Variants in ABCA12 observed in about 807,000 individuals in gnomAD.
ABCA12 encodes glucosylceramide transporter ABCA12.
In ABCA12, 156 loss-of-function variants were observed where a neutral mutation model predicts 293.5. The observed-to-expected ratio is 0.53, with a 90% CI of 0.47 to 0.61. ABCA12 has a LOEUF of 0.61. Among genes scored for constraint, ABCA12 ranks in the 20% least tolerant of loss-of-function variants. The pLI is 0.00. For synonymous variants in ABCA12, 1,063 were observed against 1,108.0 expected, an observed-to-expected ratio of 0.96 and a Z score of 0.81; for missense variants, 2,797 against 3,090.2, an observed-to-expected ratio of 0.91 and a Z score of 2.25.
intron 24 of ABCA12, among the ~76,000 whole-genome samples, chr2:214,989,849 A>C (rs1053238083): frequency 6.6e-6 from 1 of 152,342 alleles, no homozygotes; most frequent in Non-Finnish European, 1.5e-5. Context: ...CTTGAAAACC[A>C]TTCCTTAAAA....
At chr2:215,062,660 A>G (rs1012989288) in intron 3 of ABCA12, among the ~76,000 whole-genome samples, 2 of 149,244 alleles carry the variant, frequency 1.3e-5, no homozygotes, top group Non-Finnish European at 3.0e-5. Flanking sequence ...GTTTGTCCCC[A>G]CCTCAGGATC....
At chr2:215,045,103 G>T (rs906351215) in intron 7 of ABCA12, among the ~76,000 whole-genome samples, 2 of 152,148 alleles carry the variant, frequency 1.3e-5, no homozygotes, top group African/African-American at 4.8e-5. Context: ...AACACATCTA[G>T]CATGTAATAG....
intron 30 of ABCA12, among the ~76,000 whole-genome samples, chr2:214,981,942 TTTATTATTATTATTATTA>T (rs200886578): frequency 1.6e-5 from 2 of 128,642 alleles, no homozygotes; most frequent in Non-Finnish European, 3.2e-5. Flanking sequence ...GTCAGCTGTT[TTTATTATTATTATTATTA>T]TTATTATTAT....
intron 42 of ABCA12, among the ~76,000 whole-genome samples, chr2:214,956,029 T>C (rs1299314164): frequency 6.6e-6 from 1 of 152,220 alleles, no homozygotes. Context: ...AGAGCATGCT[T>C]AGAAGCTGGC....
rs61619476 is a variant in ABCA12 at position 214,950,384 on chromosome 2, CTGTGTG to C, written c.6852+489_6852+494del. ...TATATATGTGTGTGTATATATATAT[CTGTGTG>C]TGTGTGTGTGTGTGTGTGTGTGTGT... On this transcript the variant is annotated intron_variant, in intron 45 of 52. Coordinates refer to ENST00000272895, the MANE Select transcript of ABCA12 (RefSeq NM_173076.3). Among the ~76,000 whole-genome samples, 341 of 116,628 alleles carry C rather than the reference CTGTGTG, an allele frequency of 2.9e-3. 3 individuals carry two copies. The highest frequency in any genetic ancestry group is 8.2e-3 in the African/African-American group (282 of 34,346). 76.5% of individuals were successfully genotyped at this position (116,628 alleles called of 152,430 possible).
chr2:214,951,812 A>G (rs1396509778), intron 44 of ABCA12, among the ~76,000 whole-genome samples: 1 of 152,156 alleles, frequency 6.6e-6, no homozygotes, highest in African/African-American at 2.4e-5. Flanking sequence ...TTTTAATTTT[A>G]GAAACAGCAT....
intron 45 of ABCA12, among the ~76,000 whole-genome samples, 198 bp downstream of exon 45, chr2:214,950,681 T>A (rs1200940082): frequency 6.6e-6 from 1 of 151,866 alleles, no homozygotes; most frequent in Non-Finnish European, 1.5e-5. Context: ...ATTTTTCTAT[T>A]TTCAGTAGAG....
At chr2:214,956,599 C>T in intron 42 of ABCA12, 64 bp downstream of exon 42, 1 of 1,186,120 alleles carries the variant, frequency 8.4e-7, no homozygotes, top group Non-Finnish European at 1.3e-6. Context: ...GATTTAAGTC[C>T]TATTTGTGTC....
intron 44 of ABCA12, 93 bp from the exon 45 acceptor site, chr2:214,951,176 T>C: frequency 9.0e-7 from 1 of 1,106,188 alleles, no homozygotes; most frequent in East Asian, 2.4e-5. Context: ...TCACTAACAG[T>C]GTACTAGTCA....
rs571514222 is a variant in ABCA12, at chr2:215,024,142, GC to G, written c.1287+1530del. Among the ~76,000 whole-genome samples, 642 of 152,228 alleles carry G rather than the reference GC, an allele frequency of 4.2e-3. 5 individuals are homozygous for G. The highest frequency in any genetic ancestry group is 0.015 in the African/African-American group (610 of 41,526). ...ATGCAGCCTTCAAAACTCAGAGAAA[GC>G]ATTATTTTCTCTACAGAATTTCTTC... On this transcript the variant is annotated intron_variant, in intron 11 of 52. Transcript: ENST00000272895.
chr2:214,978,537 T>TAGAA, intron 32 of ABCA12, 71 bp from the exon 33 acceptor site: 1 of 1,551,306 alleles, frequency 6.4e-7, no homozygotes, highest in Non-Finnish European at 8.8e-7. Flanking sequence ...AAGCTTACCT[T>TAGAA]TGATTTTGAA....
chr2:215,054,218 C>G (rs1388757346), intron 4 of ABCA12, among the ~76,000 whole-genome samples: 1 of 151,992 alleles, frequency 6.6e-6, no homozygotes, highest in Non-Finnish European at 1.5e-5. Context: ...CTGGACAAAC[C>G]TCTGAGATTC....
At chr2:214,957,930 G>A (rs1699001357) in intron 41 of ABCA12, among the ~76,000 whole-genome samples, 1 of 152,168 alleles carries the variant, frequency 6.6e-6, no homozygotes, top group Admixed American at 6.5e-5. Flanking sequence ...AGTACTGACT[G>A]TAAGACTTCA....
rs200183227 is a variant in ABCA12, at chr2:215,001,586, C to A, written c.2835G>T (p.Arg945Ser). Residue 945 changes from arginine (R) to serine (S), a missense_variant, in exon 21 of 53, where the codon AGG (arginine) becomes AGT (serine). Coordinates refer to ENST00000272895, the MANE Select transcript of ABCA12 (RefSeq NM_173076.3). ...TIDEMEREAKRLYKSNELFGS... is the reference protein window; with the variant it reads ...TIDEMEREAKSLYKSNELFGS... ...CAAAGAGTTCGTTGCTTTTGTAGAG[C>A]CTTTTAGCCTCTCTCTCCATTTCAT... The A allele has an allele frequency of 6.2e-7, 1 of 1,613,688 alleles. No individual in the cohort carries two copies. The highest frequency in any genetic ancestry group is 8.5e-7 in the Non-Finnish European group (1 of 1,179,758).
chr2:214,970,796 A>T (rs1699369168), intron 36 of ABCA12, among the ~76,000 whole-genome samples: 1 of 152,158 alleles, frequency 6.6e-6, no homozygotes. Flanking sequence ...AAAATATAAC[A>T]CTTTTCAAGG....
intron 14 of ABCA12, 128 bp downstream of exon 14, chr2:215,017,880 A>T: frequency 1.5e-6 from 2 of 1,331,658 alleles, no homozygotes; most frequent in Non-Finnish European, 2.1e-6. Flanking sequence ...CAGGTTTATC[A>T]CTTGCATAGA....
intron 7 of ABCA12, among the ~76,000 whole-genome samples, chr2:215,037,362 T>C (rs1000986548): frequency 6.6e-5 from 10 of 152,318 alleles, no homozygotes; most frequent in African/African-American, 2.4e-4. Context: ...TAGAAATAAG[T>C]AGTTAGGAAA....
chr2:214,982,105 C>A, intron 30 of ABCA12, 82 bp downstream of exon 30: 2 of 1,459,682 alleles, frequency 1.4e-6, no homozygotes, highest in Non-Finnish European at 1.9e-6. Context: ...AGCCACTGCA[C>A]CCAGCCTCAG....
intron 1 of ABCA12, among the ~76,000 whole-genome samples, chr2:215,119,734 T>TAAAAAAAAAA (rs386654995): frequency 2.4e-4 from 18 of 75,486 alleles, no homozygotes; most frequent in African/African-American, 6.5e-4. Context: ...CATTAAAAAG[T>TAAAAAAAAAA]AAAAAAAAAA....
Sources: allele counts gnomAD v4.1 joint callset (sites outside exome capture counted in the v4.1 genomes callset), GRCh38; gene constraint gnomAD v4.1.1; transcripts MANE v1.5; gene names NCBI Gene and HGNC (gene_info 2026-07-23, HGNC 2026-07-21).